Variants in SIK3 observed in about 807,000 individuals in gnomAD.
SIK3 encodes the protein serine/threonine-protein kinase SIK3.
In SIK3, 28 loss-of-function variants were observed where a neutral mutation model predicts 144.2. That is an observed-to-expected ratio of 0.19 (90% CI 0.14 to 0.27). SIK3 has a LOEUF of 0.27. Among genes scored for constraint, SIK3 ranks in the 10% least tolerant of loss-of-function variants. SIK3 has a pLI of 1.00. For synonymous variants in SIK3, 686 were observed against 676.3 expected, an observed-to-expected ratio of 1.01 and a Z score of -0.22; for missense variants, 1,319 against 1,776.0, an observed-to-expected ratio of 0.74 and a Z score of 4.62.
At chr11:117,058,216 G>C (rs898072462) in intron 1 of SIK3, among the ~76,000 whole-genome samples, 1 of 152,068 alleles carries the variant, frequency 6.6e-6, no homozygotes, top group Non-Finnish European at 1.5e-5. Context: ...GAAAGATCCT[G>C]TTAAACTTAA....
intron 1 of SIK3, among the ~76,000 whole-genome samples, chr11:117,091,263 G>GGCA (rs745487738): frequency 5.8e-5 from 8 of 138,412 alleles, no homozygotes; most frequent in Non-Finnish European, 1.2e-4. Flanking sequence ...GGAGTGCGAC[G>GGCA]GCACGATCTC....
At chr11:117,028,236 CTTAAAG>C (rs1263526879) in intron 1 of SIK3, among the ~76,000 whole-genome samples, 3 of 152,128 alleles carry the variant, frequency 2.0e-5, no homozygotes, top group African/African-American at 4.8e-5. Flanking sequence ...TGACTTTTTT[CTTAAAG>C]TTAAACCCTT....
At chr11:117,008,191 T>C (rs1026491545) in intron 1 of SIK3, among the ~76,000 whole-genome samples, 24 of 150,448 alleles carry the variant, frequency 1.6e-4, no homozygotes, top group African/African-American at 5.9e-4. Flanking sequence ...CCAAAACAAG[T>C]AGGCAATTTT....
In SIK3 at chr11:117,098,244, G is replaced by C. The variant is rs1384329237; in HGVS notation, c.172C>G (p.Pro58Ala). 12 of 1,464,248 alleles carry C rather than the reference G, an allele frequency of 8.2e-6. No individual in the cohort carries two copies. Among genetic ancestry groups the C allele is most frequent in the Admixed American group, 2.1e-5 (1 of 47,990 alleles). The allele number at this position is 1,464,248 out of a possible 1,614,324, so 90.7% of individuals were successfully genotyped here. Residue 58 changes from proline to alanine, a missense_variant, in exon 1 of 25, where the codon CCC becomes GCC. Pro to Ala is a conservative substitution (Grantham distance 27). Coordinates refer to ENST00000445177, the MANE Select transcript of SIK3 (RefSeq NM_001366686.3). ...PRPPAPASRG[P>A]MPARIGYYEI... Reference sequence around the variant, plus strand: ...TAGTAGCCGATACGGGCGGGCATGGGTCCGCGGGAGGCCGGGGCTGGGGGA... The same window carrying C: ...TAGTAGCCGATACGGGCGGGCATGGCTCCGCGGGAGGCCGGGGCTGGGGGA...
At chr11:116,881,383 C>T (rs1440776720) in intron 6 of SIK3, among the ~76,000 whole-genome samples, 2 of 152,112 alleles carry the variant, frequency 1.3e-5, no homozygotes, top group Non-Finnish European at 1.5e-5. Context: ...GCCAACAGAA[C>T]GTTAACTAGA....
rs1943171070 is a variant in SIK3, at chr11:116,859,284, C to T, written c.2746G>A (p.Asp916Asn). 1.2e-6 allele frequency: 2 copies of T among 1,609,872 alleles called. No homozygotes were observed. Among genetic ancestry groups the T allele is most frequent in the Non-Finnish European group, 1.7e-6 (2 of 1,176,944 alleles). The change falls in exon 20 of 25, where the codon GAC (aspartate) becomes AAC (asparagine). Residue 916 changes from aspartate to asparagine, a missense_variant. Asp to Asn is a conservative substitution (Grantham distance 23). This residue lies in a region of SIK3 where 646 missense variants were observed against 763.7 expected (regional missense o/e 0.85). Transcript: ENST00000445177. ...HRPLSKQLSA[D>N]SAEAHSLNVN... is the part of the protein sequence containing the mutation. ...TCTTACCTGTGAGCCTCTGCACTGT[C>T]AGCACTCAGCTGCTTGGACAAGGGA...
chr11:116,859,709 T>C, intron 19 of SIK3, 105 bp from the exon 20 acceptor site: 1 of 963,558 alleles, frequency 1.0e-6, no homozygotes, highest in East Asian at 2.6e-5. Context: ...GCTAGAACAG[T>C]GCTTCTCAAA....
chr11:117,079,073 G>A (rs1954673816), intron 1 of SIK3, among the ~76,000 whole-genome samples: 1 of 152,064 alleles, frequency 6.6e-6, no homozygotes, highest in Non-Finnish European at 1.5e-5. Flanking sequence ...TGGATTAAGT[G>A]TTTAATTGTT....
At chr11:116,931,726 T>C (rs1420650689) in intron 3 of SIK3, among the ~76,000 whole-genome samples, 1 of 152,232 alleles carries the variant, frequency 6.6e-6, no homozygotes, top group East Asian at 1.9e-4. Context: ...CACTCAGTTC[T>C]ATCATTTCTT....
At chr11:117,073,511 T>C (rs1206950525) in intron 1 of SIK3, among the ~76,000 whole-genome samples, 1 of 152,248 alleles carries the variant, frequency 6.6e-6, no homozygotes, top group Admixed American at 6.5e-5. Context: ...ACAAGTTACC[T>C]AAGTGAAGCT....
At chr11:117,028,322 A>C (rs1273629365) in intron 1 of SIK3, among the ~76,000 whole-genome samples, 1 of 152,222 alleles carries the variant, frequency 6.6e-6, no homozygotes, top group African/African-American at 2.4e-5. Context: ...AATATTTATT[A>C]AACACCTACT....
At chr11:117,022,559 C>G (rs1951823494) in intron 1 of SIK3, among the ~76,000 whole-genome samples, 1 of 152,154 alleles carries the variant, frequency 6.6e-6, no homozygotes, top group Non-Finnish European at 1.5e-5. Context: ...GAGAGGGTCT[C>G]AGGGCAGAGT....
chr11:116,873,862 T>G (rs1334825418), intron 12 of SIK3, 41 bp downstream of exon 12: 2 of 1,576,708 alleles, frequency 1.3e-6, no homozygotes, highest in African/African-American at 2.8e-5. Context: ...GAAGCTCAAG[T>G]TTGTTTCTTC....
intron 1 of SIK3, among the ~76,000 whole-genome samples, chr11:117,066,534 CTTTTTTT>C (rs34259048): frequency 1.5e-5 from 2 of 131,042 alleles, no homozygotes; most frequent in Non-Finnish European, 3.3e-5. Context: ...AGAAACAATC[CTTTTTTT>C]TTTTTTTTTG....
At position 116,849,231 on chromosome 11, in the gene SIK3, C is replaced by T. The variant is rs1942236833; in HGVS notation, c.3708G>A (p.Glu1236=). The part of the protein sequence containing the change: ...MDRSSPGQAV[E]LPDHNGLGYP... ...ACCCGAGCCCATTGTGATCCGGCAG[C>T]TCCACTGCTTGTCCTGGAGAACTTC... is the stretch of plus-strand genomic sequence containing the variant. The change falls in exon 22 of 25, where the codon GAG becomes GAA. Residue 1236 remains glutamate, a synonymous_variant. Coordinates refer to ENST00000445177, the MANE Select transcript of SIK3 (RefSeq NM_001366686.3). The surrounding 1 kb of genome is among the most constrained non-coding windows in gnomAD (Gnocchi z 4.2). The T allele has an allele frequency of 6.2e-7, 1 of 1,614,116 alleles. No individual in the cohort carries two copies. The highest frequency in any genetic ancestry group is 1.3e-5 in the African/African-American group (1 of 74,934).
intron 6 of SIK3, among the ~76,000 whole-genome samples, chr11:116,879,147 A>G (rs1186901656): frequency 3.3e-5 from 5 of 152,170 alleles, no homozygotes; most frequent in South Asian, 4.1e-4. Flanking sequence ...ATATTTGTTG[A>G]GTATTTAATC....
intron 1 of SIK3, among the ~76,000 whole-genome samples, chr11:117,033,708 TA>T (rs11347459): frequency 0.38 from 34,591 of 90,848 alleles, 4,168 homozygotes; most frequent in African/African-American, 0.49. Context: ...AGACTCCGTC[TA>T]AAAAAAAAAA....
chr11:117,052,436 C>T (rs1045000876), intron 1 of SIK3, among the ~76,000 whole-genome samples: 1 of 152,166 alleles, frequency 6.6e-6, no homozygotes, highest in Admixed American at 6.5e-5. Flanking sequence ...CCATAAGGGG[C>T]TTAAGAGTTT....
At chr11:117,015,384 A>G (rs1383272523) in intron 1 of SIK3, among the ~76,000 whole-genome samples, 1 of 152,106 alleles carries the variant, frequency 6.6e-6, no homozygotes, top group African/African-American at 2.4e-5. Context: ...GAGTACCTTA[A>G]ACTGCTATAA....
Sources: allele counts gnomAD v4.1 joint callset (sites outside exome capture counted in the v4.1 genomes callset), GRCh38; gene constraint gnomAD v4.1.1; regional missense constraint gnomAD v4.1.1; non-coding constraint Gnocchi (gnomAD v3.1); transcripts MANE v1.5; gene names NCBI Gene and HGNC (gene_info 2026-07-23, HGNC 2026-07-21).